The following PIP4K2B variants were observed in gnomAD, a reference collection of about 807,000 sequenced individuals.
The protein encoded by PIP4K2B is phosphatidylinositol-5-phosphate 4-kinase type 2 beta.
PIP4K2B carries 3 observed loss-of-function variants against 42.0 expected under a neutral mutation model. The ratio of observed to expected loss-of-function variants is 0.07; its 90% confidence interval spans 0.03 to 0.18. The LOEUF (loss-of-function observed/expected upper bound fraction) is 0.18, where lower values mean the gene tolerates loss of function less well. Among genes scored for constraint, PIP4K2B ranks in the 10% least tolerant of loss-of-function variants. The pLI is 1.00. For missense variants in PIP4K2B, 332 were observed against 562.3 expected, an observed-to-expected ratio of 0.59 and a Z score of 4.14; for synonymous variants, 204 against 210.1, an observed-to-expected ratio of 0.97 and a Z score of 0.25.
rs932848899 is a variant in PIP4K2B, at chr17:38,799,163, T to G, written c.159+103A>C. 33 of 1,218,456 alleles carry G rather than the reference T, an allele frequency of 2.7e-5. No homozygotes were observed. The highest frequency in any genetic ancestry group is 2.4e-4 in the East Asian group (8 of 33,340). 75.5% of individuals were successfully genotyped at this position (1,218,456 alleles called of 1,614,324 possible). ...GGCGTGCAAGTGGCTTGGCGAGGGG[T>G]GGCAGGCGTCACCGGCAGGGCCTGC... On this transcript the variant is annotated intron_variant, in intron 1 of 9. Transcript: ENST00000619039. The surrounding 1 kb of genome is among the most constrained non-coding windows in gnomAD (Gnocchi z 4.4).
chr17:38,777,693 G>A lies in PIP4K2B; in HGVS notation c.801C>T (p.Asp267=), dbSNP rs376906489. ...KKNFLEKLKR[D]VEFLAQLKIM... is the part of the protein sequence containing the mutation. Reference sequence around the variant, plus strand: ...AATGAAGGTTAGTAAGTACCTCAACGTCCCGCTTCAGTTTCTCCAGGAAGT... The same window carrying A: ...AATGAAGGTTAGTAAGTACCTCAACATCCCGCTTCAGTTTCTCCAGGAAGT... Residue 267 remains aspartate, a synonymous_variant, in exon 7 of 10, where the codon GAC becomes GAT. Transcript: ENST00000619039. The A allele has an allele frequency of 5.0e-5, 81 of 1,607,190 alleles. 1 individual carries two copies. Among genetic ancestry groups the A allele is most frequent in the Admixed American group, 2.2e-4 (13 of 59,992 alleles).
At chr17:38,774,244 T>G (rs1476416607) in intron 7 of PIP4K2B, among the ~76,000 whole-genome samples, 1 of 152,096 alleles carries the variant, frequency 6.6e-6, no homozygotes, top group Non-Finnish European at 1.5e-5. Flanking sequence ...ATTGAACTGG[T>G]GGACTGAGTA....
chr17:38,790,224 C>T (rs1910272160), intron 1 of PIP4K2B, among the ~76,000 whole-genome samples: 1 of 152,090 alleles, frequency 6.6e-6, no homozygotes, highest in Admixed American at 6.6e-5. Context: ...GTTCCTATTC[C>T]AGGGGGTGCT....
intron 4 of PIP4K2B, 39 bp downstream of exon 4, chr17:38,780,413 A>T: frequency 1.3e-6 from 2 of 1,569,752 alleles, no homozygotes; most frequent in Non-Finnish European, 1.7e-6. Flanking sequence ...TCCCTCTTCC[A>T]ACCCATCCTC....
At chr17:38,792,208 G>A (rs940207087) in intron 1 of PIP4K2B, among the ~76,000 whole-genome samples, 2 of 152,010 alleles carry the variant, frequency 1.3e-5, no homozygotes, top group African/African-American at 4.8e-5. Context: ...GAGTGCAGTG[G>A]TATGATCTCA....
intron 1 of PIP4K2B, among the ~76,000 whole-genome samples, chr17:38,789,187 G>A (rs1910206664): frequency 6.6e-6 from 1 of 152,236 alleles, no homozygotes. Flanking sequence ...TAAACTAAGG[G>A]AGATGGGGCA....
At chr17:38,794,545 G>A (rs1185904500) in intron 1 of PIP4K2B, among the ~76,000 whole-genome samples, 1 of 146,140 alleles carries the variant, frequency 6.8e-6, no homozygotes, top group African/African-American at 2.5e-5. Context: ...ACTCTAGTTG[G>A]GAGGATTGCT....
chr17:38,787,478 C>T (rs1215725080), intron 1 of PIP4K2B, among the ~76,000 whole-genome samples: 1 of 152,192 alleles, frequency 6.6e-6, no homozygotes, highest in Admixed American at 6.5e-5. Context: ...TCTTGGAATT[C>T]CTGAAGTTTT....
chr17:38,787,902 T>C (rs1229781022), intron 1 of PIP4K2B, among the ~76,000 whole-genome samples: 1 of 152,182 alleles, frequency 6.6e-6, no homozygotes, highest in African/African-American at 2.4e-5. Context: ...TCGGCTTTAA[T>C]TATATTTCTA....
intron 1 of PIP4K2B, chr17:38,792,937 T>TC: frequency 6.6e-6 from 1 of 152,392 alleles, no homozygotes; most frequent in East Asian, 1.9e-4. Flanking sequence ...CTAAAGATTT[T>TC]TTTTTTTTTG....
Position 38,784,224 on chromosome 17 carries a change from T to C in PIP4K2B, c.354+19A>G, listed in dbSNP as rs776400144. 9.5e-6 allele frequency: 14 copies of C among 1,479,224 alleles called. No individual in the cohort carries two copies. The highest frequency in any genetic ancestry group is 8.3e-5 in the African/African-American group (6 of 72,110). 91.6% of individuals were successfully genotyped at this position (1,479,224 alleles called of 1,614,324 possible). A position where few individuals can be genotyped will look rare whatever the true frequency, so the allele number is the denominator to read the frequency against. On this transcript the variant is annotated intron_variant, in intron 3 of 9. Coordinates refer to ENST00000619039, the MANE Select transcript of PIP4K2B (RefSeq NM_003559.5). ...CATTCCATTCCCTAATCCACTGATG[T>C]TGCCAGGAGCCTCCATACCTGGTAA...
At chr17:38,787,407 C>G (rs1910090745) in intron 1 of PIP4K2B, among the ~76,000 whole-genome samples, 1 of 152,186 alleles carries the variant, frequency 6.6e-6, no homozygotes, top group Admixed American at 6.5e-5. Context: ...AGGGCCAGCT[C>G]AAAAGGCACC....
intron 7 of PIP4K2B, among the ~76,000 whole-genome samples, chr17:38,774,643 G>A (rs1021245529): frequency 7.9e-5 from 12 of 151,834 alleles, no homozygotes; most frequent in Admixed American, 2.0e-4. Flanking sequence ...GGTGGTGGGC[G>A]CCTGTAGTCC....
At chr17:38,789,468 G>A (rs570725823) in intron 1 of PIP4K2B, among the ~76,000 whole-genome samples, 34 of 152,306 alleles carry the variant, frequency 2.2e-4, no homozygotes, top group African/African-American at 8.2e-4. Flanking sequence ...TGGACTGGGG[G>A]GAGGGGGCAC....
In PIP4K2B at chr17:38,779,368, C is replaced by T. The variant is rs751488509; in HGVS notation, c.654+15G>A. On this transcript the variant is annotated intron_variant, in intron 5 of 9. Transcript: ENST00000619039. ...AGAGGGGAGGCACAGCTCCGGCAAA[C>T]ACAGAGCCCTTTACCTTGAGGTCAT... 4 of 1,582,994 alleles carry T rather than the reference C, an allele frequency of 2.5e-6. No individual in the cohort carries two copies. The highest frequency in any genetic ancestry group is 3.5e-6 in the Non-Finnish European group (4 of 1,158,816).
intron 1 of PIP4K2B, among the ~76,000 whole-genome samples, chr17:38,790,405 G>A (rs745771142): frequency 1.3e-5 from 2 of 152,196 alleles, no homozygotes; most frequent in Non-Finnish European, 2.9e-5. Context: ...TTCAGGGCTC[G>A]GCTGGGCGCA....
At position 38,771,054 on chromosome 17, in the gene PIP4K2B, G is replaced by A. The variant is rs1194277093; in HGVS notation, c.1026C>T (p.Phe342=). 10 of 1,614,026 alleles carry A rather than the reference G, an allele frequency of 6.2e-6. No homozygotes were observed. The highest frequency in any genetic ancestry group is 5.0e-5 in the Admixed American group (3 of 60,002). ...TGGCATAGACGTCAACAGAGGGGTC[G>A]AATTCCCCAGGACCAAAGAACCGAG... The part of the protein sequence containing the change: ...SFPRFFGPGE[F]DPSVDVYAMK... Residue 342 remains phenylalanine (F), a synonymous_variant, in exon 8 of 10, where the codon TTC becomes TTT. Coordinates refer to ENST00000619039, the MANE Select transcript of PIP4K2B (RefSeq NM_003559.5).
intron 3 of PIP4K2B, among the ~76,000 whole-genome samples, chr17:38,782,315 C>G (rs1439817867): frequency 6.6e-6 from 1 of 152,226 alleles, no homozygotes; most frequent in Non-Finnish European, 1.5e-5. Flanking sequence ...GAGCACCATC[C>G]TCCCTGCCCT....
At position 38,768,144 on chromosome 17, in the gene PIP4K2B, C is replaced by T. The variant is rs1054935000; in HGVS notation, c.*1547G>A. On this transcript the variant is annotated 3_prime_UTR_variant, in exon 10 of 10. Transcript: ENST00000619039. Reference sequence around the variant, plus strand: ...ATGGTTTCACAAGCGATCTTCACATCTTTGGGGTTATCTACAAGTCTGACC... The same window carrying T: ...ATGGTTTCACAAGCGATCTTCACATTTTTGGGGTTATCTACAAGTCTGACC... 2.6e-5 allele frequency: 4 copies of T among 152,288 alleles called. No homozygotes were observed. The highest frequency in any genetic ancestry group is 6.5e-5 in the Admixed American group (1 of 15,292). The allele number at this position is 152,288 out of a possible 1,614,324, so 9.4% of individuals were successfully genotyped here. A position where few individuals can be genotyped will look rare whatever the true frequency, so the allele number is the denominator to read the frequency against.
Sources: allele counts gnomAD v4.1 joint callset (sites outside exome capture counted in the v4.1 genomes callset), GRCh38; gene constraint gnomAD v4.1.1; non-coding constraint Gnocchi (gnomAD v3.1); transcripts MANE v1.5; gene names NCBI Gene and HGNC (gene_info 2026-07-23, HGNC 2026-07-21).